The following AVEN variants were observed in gnomAD, a reference collection of about 807,000 sequenced individuals.
AVEN encodes cell death regulator Aven.
Under a neutral mutation model 38.1 loss-of-function variants are expected in AVEN, and 41 were observed. The ratio of observed to expected loss-of-function variants is 1.08; its 90% confidence interval spans 0.84 to 1.40. The LOEUF (loss-of-function observed/expected upper bound fraction) is 1.40. Among genes scored for constraint, AVEN ranks in the 40% most tolerant of loss-of-function variants. AVEN has a pLI of 0.00. For synonymous variants in AVEN, 206 were observed against 171.8 expected, an observed-to-expected ratio of 1.20 and a Z score of -1.56; for missense variants, 605 against 438.8, an observed-to-expected ratio of 1.38 and a Z score of -3.38.
intron 4 of AVEN, among the ~76,000 whole-genome samples, chr15:33,868,383 CAAAA>C (rs1011311790): frequency 1.3e-5 from 2 of 149,498 alleles, no homozygotes; most frequent in East Asian, 1.9e-4. Context: ...AACAAACAAA[CAAAA>C]AACAAAAAAA....
chr15:34,071,438 T>C (rs1295633406), intron 1 of AVEN, among the ~76,000 whole-genome samples: 2 of 151,970 alleles, frequency 1.3e-5, no homozygotes, highest in Non-Finnish European at 2.9e-5. Context: ...CATATCAAGC[T>C]AATTTTTTTT....
intron 1 of AVEN, among the ~76,000 whole-genome samples, chr15:34,010,919 T>C (rs894260201): frequency 6.6e-6 from 1 of 152,252 alleles, no homozygotes; most frequent in African/African-American, 2.4e-5. Flanking sequence ...ATTTGGACCA[T>C]AAGCAACAAC....
chr15:33,863,840 G>T (rs1056007928), downstream of AVEN, among the ~76,000 whole-genome samples: 1 of 152,000 alleles, frequency 6.6e-6, no homozygotes, highest in African/African-American at 2.4e-5. Flanking sequence ...TGTTTTATTA[G>T]AATTTTGTTA....
At chr15:33,859,451 G>A in intron 11 of AVEN, 2 of 998,548 alleles carry the variant, frequency 2.0e-6, no homozygotes, top group Non-Finnish European at 3.0e-6. Flanking sequence ...TGGCACCTCT[G>A]AAGAGTTCCC....
chr15:34,032,704 G>T (rs555341056), intron 1 of AVEN, among the ~76,000 whole-genome samples: 1 of 151,826 alleles, frequency 6.6e-6, no homozygotes, highest in African/African-American at 2.4e-5. Context: ...CAAGATCCAC[G>T]GTCTTTCCCA....
downstream of AVEN, among the ~76,000 whole-genome samples, chr15:33,863,230 G>A (rs1315256109): frequency 6.6e-6 from 1 of 152,194 alleles, no homozygotes; most frequent in Admixed American, 6.5e-5. Context: ...TTAAATAAAT[G>A]TGCTGGGCAA....
intron 1 of AVEN, among the ~76,000 whole-genome samples, chr15:34,025,820 G>C (rs1898442523): frequency 6.6e-6 from 1 of 151,852 alleles, no homozygotes; most frequent in South Asian, 2.1e-4. Flanking sequence ...AAAAAGACAG[G>C]CACTGGACCT....
At chr15:34,008,701 G>A (rs1897486453) in intron 1 of AVEN, among the ~76,000 whole-genome samples, 1 of 151,798 alleles carries the variant, frequency 6.6e-6, no homozygotes, top group Non-Finnish European at 1.5e-5. Context: ...TGTTAGCCAG[G>A]ATAGTCTCAA....
chr15:33,982,357 AC>A (rs1896188817), intron 2 of AVEN, among the ~76,000 whole-genome samples: 1 of 151,928 alleles, frequency 6.6e-6, no homozygotes, highest in African/African-American at 2.4e-5. Flanking sequence ...CCCAATCCAA[AC>A]CCTAGTAATG....
At chr15:33,858,861 G>C (rs1209347801) in exon 12 of AVEN, 2 of 152,316 alleles carry the variant, frequency 1.3e-5, no homozygotes, top group East Asian at 1.9e-4. Context: ...CTCCATAAAA[G>C]AGGTAACACT....
At chr15:33,877,242 A>G (rs757059875) in intron 2 of AVEN, among the ~76,000 whole-genome samples, 1 of 152,198 alleles carries the variant, frequency 6.6e-6, no homozygotes, top group Non-Finnish European at 1.5e-5. Context: ...CTTCTCATCT[A>G]AATAACTGAA....
chr15:34,032,650 G>A (rs188033763), intron 1 of AVEN, among the ~76,000 whole-genome samples: 11 of 152,292 alleles, frequency 7.2e-5, no homozygotes, highest in East Asian at 1.9e-4. Context: ...TTTCCAAGGA[G>A]TATATGAGCA....
intron 1 of AVEN, among the ~76,000 whole-genome samples, chr15:34,071,934 A>T (rs565636348): frequency 3.3e-5 from 5 of 152,170 alleles, no homozygotes; most frequent in Non-Finnish European, 7.3e-5. Context: ...TATCTTTTAT[A>T]TTCACTATAT....
chr15:33,877,382 GCATGATAATCTGAAGAAA>G (rs1891284783), intron 2 of AVEN, among the ~76,000 whole-genome samples: 1 of 152,210 alleles, frequency 6.6e-6, no homozygotes, highest in Non-Finnish European at 1.5e-5. Flanking sequence ...GGGGACAACA[GCATGATAATCTGAAGAAA>G]CAATGCTGTG....
At position 33,903,120 on chromosome 15, in the gene AVEN, C is replaced by T. The variant is rs1171124474; in HGVS notation, c.446-27125G>A. Among the ~76,000 whole-genome samples the T allele has an allele frequency of 4.6e-5, 7 of 152,118 alleles. No homozygotes were observed. The South Asian group carries it at 1.0e-3, about 23-fold the overall frequency. Reference sequence around the variant, plus strand: ...GCATCTCTTGCTCTAGACATCGGCACGTAAATGAGGCCACATTGATCATAA... The same window carrying T: ...GCATCTCTTGCTCTAGACATCGGCATGTAAATGAGGCCACATTGATCATAA... On this transcript the variant is annotated intron_variant, in intron 2 of 5. Transcript: ENST00000306730.
intron 2 of AVEN, among the ~76,000 whole-genome samples, chr15:33,916,367 C>G (rs1439048246): frequency 2.7e-4 from 41 of 152,136 alleles, no homozygotes; most frequent in Non-Finnish European, 2.9e-5. Context: ...GTGCAGACAC[C>G]CCCCAGTACC....
intron 1 of AVEN, among the ~76,000 whole-genome samples, chr15:34,036,165 G>A (rs759050630): frequency 3.9e-5 from 6 of 151,920 alleles, no homozygotes; most frequent in Non-Finnish European, 7.4e-5. Flanking sequence ...AGTATTCCGT[G>A]AAGATAATTA....
chr15:34,042,789 G>A (rs1425072371), upstream of AVEN, among the ~76,000 whole-genome samples: 1 of 152,032 alleles, frequency 6.6e-6, no homozygotes, highest in Non-Finnish European at 1.5e-5. Flanking sequence ...GCATCACCTG[G>A]GAACTTGTTA....
intron 2 of AVEN, among the ~76,000 whole-genome samples, chr15:33,910,478 G>A (rs1264499108): frequency 6.6e-6 from 1 of 152,242 alleles, no homozygotes; most frequent in Non-Finnish European, 1.5e-5. Flanking sequence ...AAGAAATTGG[G>A]ACGTGAAGAT....
Sources: gnomAD v4.1 joint callset for allele counts (sites outside exome capture counted in the v4.1 genomes callset) on GRCh38, gnomAD v4.1.1 for gene constraint, MANE v1.5 for transcripts, NCBI Gene and HGNC (gene_info 2026-07-23, HGNC 2026-07-21) for gene names.